KLHL22: variants seen among roughly 807,000 people sequenced by gnomAD.
The protein encoded by KLHL22 is kelch-like protein 22.
A neutral mutation model predicts 60.7 loss-of-function variants in KLHL22; 18 were observed. The observed-to-expected ratio is 0.30, with a 90% CI of 0.20 to 0.44. The LOEUF is 0.44. KLHL22 is among the 20% of genes least tolerant of loss of function. The pLI is 1.00. For synonymous variants in KLHL22, 355 were observed against 354.5 expected, an observed-to-expected ratio of 1.00 and a Z score of -0.01; for missense variants, 596 against 852.3, an observed-to-expected ratio of 0.70 and a Z score of 3.74.
intron 2 of KLHL22, among the ~76,000 whole-genome samples, chr22:20,473,239 G>A (rs1404630414): frequency 1.3e-5 from 2 of 152,168 alleles, no homozygotes; most frequent in Non-Finnish European, 2.9e-5. Context: ...CAGCTAGAAA[G>A]CAGTAGCTGA....
intron 1 of KLHL22, among the ~76,000 whole-genome samples, chr22:20,492,395 C>T (rs139486256): frequency 2.1e-4 from 32 of 152,194 alleles, no homozygotes; most frequent in Non-Finnish European, 4.6e-4. Flanking sequence ...GGCTGCTCTC[C>T]TTCAAGCCTT....
Position 20,489,042 on chromosome 22 carries a change from T to A in KLHL22, c.170A>T (p.Glu57Val). The A allele has an allele frequency of 6.2e-7, 1 of 1,614,080 alleles. No individual in the cohort carries two copies. Among genetic ancestry groups the A allele is most frequent in the Non-Finnish European group, 8.5e-7 (1 of 1,180,034 alleles). Residue 57 changes from glutamate (E) to valine (V), a missense_variant, in exon 2 of 7, where the codon GAG becomes GTG. Transcript: ENST00000328879. ...GILFDVVLVV[E>V]GRHIEAHRIL... ...GCGATGGGCCTCGATGTGTCTGCCC[T>A]CCACCACCAGCACAACATCGAAGAG...
chr22:20,462,112 C>CA (rs1437373653), intron 4 of KLHL22, among the ~76,000 whole-genome samples: 3 of 149,048 alleles, frequency 2.0e-5, no homozygotes, highest in South Asian at 2.1e-4. Flanking sequence ...AACAAAAAAA[C>CA]AAAAAAACAA....
In KLHL22 at chr22:20,471,199, T is replaced by A. The variant is rs1031640364; in HGVS notation, c.393+151A>T. The A allele has an allele frequency of 1.4e-5, 10 of 703,180 alleles. No individual in the cohort carries two copies. In the African/African-American group the frequency reaches 1.8e-4, roughly 13 times the overall value. The allele number at this position is 703,180 out of a possible 1,614,324, so 43.6% of individuals were successfully genotyped here. On this transcript the variant is annotated intron_variant, in intron 3 of 6. Coordinates refer to ENST00000328879, the MANE Select transcript of KLHL22 (RefSeq NM_032775.4). ...TTGAGCTCCAGGAACAACTCCAGAG[T>A]CTTCCCCACTTCATGGCCTTCGTCA...
At chr22:20,449,101 C>T (rs2052932102) in intron 5 of KLHL22, among the ~76,000 whole-genome samples, 1 of 151,968 alleles carries the variant, frequency 6.6e-6, no homozygotes, top group Admixed American at 6.5e-5. Context: ...TGCCGTGTCG[C>T]CCAGGCTGGA....
At chr22:20,480,884 T>G (rs1000108991) in intron 2 of KLHL22, among the ~76,000 whole-genome samples, 19 of 145,696 alleles carry the variant, frequency 1.3e-4, no homozygotes, top group Non-Finnish European at 2.5e-4. Flanking sequence ...CAGGCTGGAA[T>G]GCAGTGGCGC....
At chr22:20,458,271 CTCTT>C (rs1365319210) in intron 4 of KLHL22, among the ~76,000 whole-genome samples, 8 of 131,352 alleles carry the variant, frequency 6.1e-5, no homozygotes, top group Non-Finnish European at 1.3e-4. Flanking sequence ...TGTCCAATGG[CTCTT>C]TTTTTTTTTT....
chr22:20,475,842 G>C (rs1435121969), intron 2 of KLHL22, among the ~76,000 whole-genome samples: 1 of 152,190 alleles, frequency 6.6e-6, no homozygotes, highest in East Asian at 1.9e-4. Flanking sequence ...GATTACAGGC[G>C]TGAGTCACCG....
Position 20,460,379 on chromosome 22 carries a change from C to T in KLHL22, c.1113-2379G>A, listed in dbSNP as rs566541984. ...ATCCCAGAACTTTGGGAGGCTGAGG[C>T]GGGTGGATCACGAGGTCAGGAGTTC... is the stretch of plus-strand genomic sequence containing the variant. On this transcript the variant is annotated intron_variant, in intron 4 of 6. Transcript: ENST00000328879. 2.0e-3 allele frequency among the ~76,000 whole-genome samples: 299 copies of T among 152,034 alleles called. 1 individual carries two copies. The highest frequency in any genetic ancestry group is 7.0e-3 in the African/African-American group (292 of 41,464).
At chr22:20,448,003 G>A (rs1490869000) in intron 5 of KLHL22, among the ~76,000 whole-genome samples, 1 of 152,172 alleles carries the variant, frequency 6.6e-6, no homozygotes, top group Non-Finnish European at 1.5e-5. Context: ...CACAGCCACA[G>A]AACTGTCCTA....
At chr22:20,451,385 T>C in intron 5 of KLHL22, 1 of 1,611,742 alleles carries the variant, frequency 6.2e-7, no homozygotes, top group Non-Finnish European at 8.5e-7. Flanking sequence ...GGACTCGTAG[T>C]GGCCAGTGGA....
At chr22:20,459,436 G>A (rs1251192052) in intron 4 of KLHL22, among the ~76,000 whole-genome samples, 4 of 152,182 alleles carry the variant, frequency 2.6e-5, no homozygotes, top group African/African-American at 4.8e-5. Context: ...TGAATCCTGG[G>A]CTCTTCCCTG....
intron 3 of KLHL22, among the ~76,000 whole-genome samples, chr22:20,469,162 G>T (rs1443981318): frequency 6.6e-6 from 1 of 152,156 alleles, no homozygotes; most frequent in East Asian, 1.9e-4. Context: ...GCAGGGAGAA[G>T]AAAGAAATGG....
chr22:20,470,663 A>G (rs947994109), intron 3 of KLHL22, among the ~76,000 whole-genome samples: 10 of 151,686 alleles, frequency 6.6e-5, no homozygotes, highest in Admixed American at 1.3e-4. Context: ...AAATTGAATG[A>G]GTGGATGGAT....
intron 5 of KLHL22, among the ~76,000 whole-genome samples, chr22:20,452,428 G>A (rs1285360940): frequency 6.6e-6 from 1 of 152,172 alleles, no homozygotes; most frequent in Non-Finnish European, 1.5e-5. Flanking sequence ...TATCAGAATT[G>A]AAGTTAGAAT....
rs150901377 is a variant in KLHL22 at position 20,485,958 on chromosome 22, G to A, written c.227+3027C>T. 7.7e-3 allele frequency among the ~76,000 whole-genome samples: 1,171 copies of A among 151,966 alleles called. 16 individuals carry two copies. The highest frequency in any genetic ancestry group is 0.026 in the African/African-American group (1,091 of 41,446). On this transcript the variant is annotated intron_variant, in intron 2 of 6. Transcript: ENST00000328879. ...CCAAGGAGGGCAAATCACAAGGTCA[G>A]GAGTTCGAGATCAGCCTGGCCAACA...
intron 3 of KLHL22, among the ~76,000 whole-genome samples, chr22:20,469,251 G>A (rs954928082): frequency 6.6e-6 from 1 of 152,200 alleles, no homozygotes; most frequent in African/African-American, 2.4e-5. Flanking sequence ...GCAATACCGA[G>A]AAGGATGACC....
At chr22:20,454,485 C>T (rs2053031574) in intron 5 of KLHL22, among the ~76,000 whole-genome samples, 1 of 152,120 alleles carries the variant, frequency 6.6e-6, no homozygotes, top group Non-Finnish European at 1.5e-5. Context: ...GAATATTGTT[C>T]CCTACTGTGC....
intron 6 of KLHL22, among the ~76,000 whole-genome samples, chr22:20,444,066 AG>A (rs74710252): frequency 0.29 from 23,226 of 80,392 alleles, 6,022 homozygotes; most frequent in African/African-American, 0.61. Flanking sequence ...AAAAAAAAAA[AG>A]AAAAAAAGGA....
Sources: allele counts gnomAD v4.1 joint callset (sites outside exome capture counted in the v4.1 genomes callset), GRCh38; gene constraint gnomAD v4.1.1; transcripts MANE v1.5; gene names NCBI Gene and HGNC (gene_info 2026-07-23, HGNC 2026-07-21).